The following DPP10 variants were observed in gnomAD, a reference collection of about 807,000 sequenced individuals.
DPP10 encodes the protein inactive dipeptidyl peptidase 10.
A neutral mutation model predicts 120.9 loss-of-function variants in DPP10; 33 were observed. The ratio of observed to expected loss-of-function variants is 0.27; its 90% CI spans 0.21 to 0.37. DPP10 has a LOEUF of 0.37. Among genes scored for constraint, DPP10 ranks in the 10% least tolerant of loss-of-function variants. DPP10 has a pLI of 1.00. For missense variants in DPP10, 816 were observed against 942.8 expected (o/e 0.87, Z 1.76); for synonymous variants, 337 against 326.1 (o/e 1.03, Z -0.36).
chr2:115,378,745 G>A (rs2066023881), intron 3 of DPP10, among the ~76,000 whole-genome samples: 1 of 152,136 alleles, frequency 6.6e-6, no homozygotes, highest in South Asian at 2.1e-4. Context: ...CTAATTTATT[G>A]AGATTTTTAG....
intron 1 of DPP10, among the ~76,000 whole-genome samples, chr2:114,646,675 A>T (rs761422554): frequency 6.6e-6 from 1 of 152,160 alleles, no homozygotes; most frequent in Non-Finnish European, 1.5e-5. Context: ...AAGCATATAT[A>T]TGCTATTTCC....
intron 7 of DPP10, among the ~76,000 whole-genome samples, chr2:115,706,609 C>T (rs1042940211): frequency 3.9e-5 from 6 of 151,916 alleles, no homozygotes; most frequent in East Asian, 3.9e-4. Context: ...TGCAACTAAG[C>T]GCTTACACCA....
intron 1 of DPP10, among the ~76,000 whole-genome samples, chr2:115,204,851 G>A (rs797016879): frequency 5.3e-5 from 8 of 152,224 alleles, no homozygotes; most frequent in African/African-American, 1.9e-4. Flanking sequence ...GATTAGTGAT[G>A]TTAAGTATTT....
At position 115,842,513 on chromosome 2, in the gene DPP10, T is replaced by C; in HGVS notation, c.*168T>C. ...TAGCATTTGAATACACAAGTCCAAG[T>C]CTACTGTGTTGCTAGGGGTGCAGAA... On this transcript the variant is annotated 3_prime_UTR_variant, in exon 26 of 26. Coordinates refer to ENST00000410059, the MANE Select transcript of DPP10 (RefSeq NM_020868.6). 1 of 732,176 alleles carries C rather than the reference T, an allele frequency of 1.4e-6. No homozygotes were observed. The highest frequency in any genetic ancestry group is 3.3e-5 in the Admixed American group (1 of 30,424). The allele number at this position is 732,176 out of a possible 1,614,324, so 45.4% of individuals were successfully genotyped here. A position where few individuals can be genotyped will look rare whatever the true frequency, so the allele number is the denominator to read the frequency against.
chr2:114,534,617 CAT>C (rs1457364660), intron 1 of DPP10, among the ~76,000 whole-genome samples: 1 of 152,176 alleles, frequency 6.6e-6, no homozygotes, highest in Non-Finnish European at 1.5e-5. Context: ...ATTATTTTTA[CAT>C]AGTTACTTAT....
chr2:114,594,567 A>T (rs1381376417), intron 1 of DPP10, among the ~76,000 whole-genome samples: 1 of 134,694 alleles, frequency 7.4e-6, no homozygotes. Context: ...TTATGTATAC[A>T]TATATACATA....
intron 2 of DPP10, among the ~76,000 whole-genome samples, chr2:115,335,455 G>T (rs1180369672): frequency 6.6e-6 from 1 of 151,852 alleles, no homozygotes; most frequent in East Asian, 1.9e-4. Context: ...ATCTTATCCT[G>T]ATCTCAAATG....
chr2:114,533,356 A>G (rs1558853311), intron 1 of DPP10, among the ~76,000 whole-genome samples: 1 of 152,118 alleles, frequency 6.6e-6, no homozygotes. Flanking sequence ...TATTATTACT[A>G]TTATCGTAGA....
intron 17 of DPP10, among the ~76,000 whole-genome samples, chr2:115,787,419 A>C (rs920495031): frequency 6.6e-6 from 1 of 152,246 alleles, no homozygotes; most frequent in African/African-American, 2.4e-5. Context: ...ATTTTTATGA[A>C]AGAACTTTGT....
intron 1 of DPP10, among the ~76,000 whole-genome samples, chr2:114,495,167 T>A (rs1444155339): frequency 6.6e-6 from 1 of 152,136 alleles, no homozygotes; most frequent in Non-Finnish European, 1.5e-5. Context: ...CATGTATGTC[T>A]TTGTTATAAA....
chr2:114,943,500 C>T (rs1697120400), intron 1 of DPP10, among the ~76,000 whole-genome samples: 1 of 152,116 alleles, frequency 6.6e-6, no homozygotes, highest in Admixed American at 6.5e-5. Context: ...TCTTGAACTC[C>T]TGACCTCATG....
At chr2:114,540,330 T>C (rs991757602) in intron 1 of DPP10, among the ~76,000 whole-genome samples, 1 of 152,208 alleles carries the variant, frequency 6.6e-6, no homozygotes, top group Non-Finnish European at 1.5e-5. Context: ...CTGAGACAGA[T>C]TGTTGTCATC....
chr2:115,745,440 C>T (rs903062225), intron 9 of DPP10, among the ~76,000 whole-genome samples: 3 of 150,506 alleles, frequency 2.0e-5, no homozygotes, highest in African/African-American at 7.3e-5. Context: ...TCCTTGCTAT[C>T]CTTGCCTTTC....
chr2:115,592,041 C>G (rs1459019708), intron 5 of DPP10, among the ~76,000 whole-genome samples: 3 of 152,084 alleles, frequency 2.0e-5, no homozygotes, highest in Non-Finnish European at 4.4e-5. Flanking sequence ...ATCTTTTCCC[C>G]CTACCTACTA....
chr2:114,913,773 T>C (rs984410259), intron 1 of DPP10, among the ~76,000 whole-genome samples: 5 of 152,152 alleles, frequency 3.3e-5, no homozygotes, highest in Non-Finnish European at 4.4e-5. Flanking sequence ...TGTAGATTAA[T>C]GAGATTCAGG....
chr2:114,834,092 C>T lies in DPP10; in HGVS notation c.60+391254C>T, dbSNP rs573665158. 74 of 151,750 alleles carry T rather than the reference C, an allele frequency of 4.9e-4. 2 individuals carry two copies. In the Middle Eastern group the frequency reaches 0.01, roughly 21 times the overall value. 9.4% of individuals were successfully genotyped at this position (151,750 alleles called of 1,614,324 possible). ...CCTATGTATATATAAGCCATATCTA[C>T]GCACCTATGTATATATAAGCCATAT... On this transcript the variant is annotated intron_variant, in intron 1 of 25. Transcript: ENST00000410059.
At chr2:114,516,472 A>T (rs1684603376) in intron 1 of DPP10, among the ~76,000 whole-genome samples, 2 of 152,236 alleles carry the variant, frequency 1.3e-5, no homozygotes, top group African/African-American at 4.8e-5. Flanking sequence ...AAGATGAAGA[A>T]AGATGATGAT....
At chr2:114,832,363 CT>C (rs1276803110) in intron 1 of DPP10, among the ~76,000 whole-genome samples, 2 of 152,100 alleles carry the variant, frequency 1.3e-5, no homozygotes, top group Non-Finnish European at 2.9e-5. Flanking sequence ...GAAACACCGC[CT>C]CTACTAAAAA....
intron 1 of DPP10, among the ~76,000 whole-genome samples, chr2:114,711,421 G>C (rs1312027294): frequency 6.6e-6 from 1 of 152,192 alleles, no homozygotes; most frequent in Non-Finnish European, 1.5e-5. Flanking sequence ...TCAGGATCCA[G>C]CTGCCTGGGT....
Sources: allele counts gnomAD v4.1 joint callset (sites outside exome capture counted in the v4.1 genomes callset), GRCh38; gene constraint gnomAD v4.1.1; transcripts MANE v1.5; gene names NCBI Gene and HGNC (gene_info 2026-07-23, HGNC 2026-07-21).